SIL1: variants seen among roughly 807,000 people sequenced by gnomAD.
SIL1 encodes nucleotide exchange factor SIL1.
In SIL1, 40 loss-of-function variants were observed where a neutral mutation model predicts 49.1. That is an observed-to-expected ratio of 0.81 (90% confidence interval 0.63 to 1.06). The LOEUF is 1.06. Ranked by LOEUF, SIL1 falls within the 50% of genes least tolerant of loss-of-function variation. The pLI, the probability that SIL1 is intolerant of heterozygous loss-of-function variation, is 0.00. For synonymous variants in SIL1, 253 were observed against 250.8 expected (o/e 1.01, Z -0.08); for missense variants, 500 against 572.6 (o/e 0.87, Z 1.29).
intron 7 of SIL1, among the ~76,000 whole-genome samples, chr5:138,954,326 CCA>C (rs1403737644): frequency 2.0e-5 from 3 of 152,278 alleles, no homozygotes; most frequent in African/African-American, 7.2e-5. Context: ...TACGGCAGGA[CCA>C]TGGGCCAAAC....
intron 1 of SIL1, among the ~76,000 whole-genome samples, chr5:139,150,845 T>C (rs1751282373): frequency 6.6e-6 from 1 of 152,142 alleles, no homozygotes; most frequent in Non-Finnish European, 1.5e-5. Flanking sequence ...CCTTCAATTA[T>C]GGGAATTATA....
At chr5:138,954,319 G>A (rs1269211821) in intron 7 of SIL1, among the ~76,000 whole-genome samples, 8 of 152,256 alleles carry the variant, frequency 5.3e-5, no homozygotes, top group Non-Finnish European at 1.2e-4. Flanking sequence ...CTGTGGGTAC[G>A]GCAGGACCAT....
chr5:138,958,034 C>A (rs1470145892), intron 7 of SIL1, among the ~76,000 whole-genome samples: 2 of 151,914 alleles, frequency 1.3e-5, no homozygotes, highest in African/African-American at 4.8e-5. Context: ...GTTGGGATTA[C>A]CGGCATGAGC....
chr5:138,967,959 G>C (rs937448792), intron 7 of SIL1, among the ~76,000 whole-genome samples: 5 of 152,166 alleles, frequency 3.3e-5, no homozygotes, highest in African/African-American at 1.2e-4. Flanking sequence ...CAGGGCAAGA[G>C]CAAGACGACT....
chr5:139,048,652 G>T (rs1769222915), intron 4 of SIL1, among the ~76,000 whole-genome samples: 1 of 152,138 alleles, frequency 6.6e-6, no homozygotes, highest in Admixed American at 6.5e-5. Context: ...TTACAGGTGT[G>T]AACCACTGTA....
intron 1 of SIL1, among the ~76,000 whole-genome samples, chr5:139,181,795 T>C (rs1316296551): frequency 1.3e-5 from 2 of 152,048 alleles, no homozygotes; most frequent in African/African-American, 4.8e-5. Context: ...TTGATGACAA[T>C]CAAGGTAGAA....
chr5:139,116,335 T>G (rs1327057324), intron 3 of SIL1, among the ~76,000 whole-genome samples: 2 of 152,224 alleles, frequency 1.3e-5, no homozygotes, highest in Non-Finnish European at 2.9e-5. Flanking sequence ...CCCCCTCACA[T>G]GAACGTGTTC....
At chr5:138,958,006 G>A (rs376776857) in intron 7 of SIL1, among the ~76,000 whole-genome samples, 18 of 149,122 alleles carry the variant, frequency 1.2e-4, no homozygotes, top group African/African-American at 3.5e-4. Context: ...CAATCCTCCC[G>A]CCCTGGCCTC....
chr5:138,972,142 G>A (rs1364462311), intron 7 of SIL1, among the ~76,000 whole-genome samples: 3 of 152,114 alleles, frequency 2.0e-5, no homozygotes, highest in Non-Finnish European at 2.9e-5. Context: ...GATCCAGCAG[G>A]AGAATCATGA....
At chr5:138,973,778 G>A (rs1049048894) in intron 7 of SIL1, among the ~76,000 whole-genome samples, 5 of 152,028 alleles carry the variant, frequency 3.3e-5, no homozygotes, top group African/African-American at 9.7e-5. Flanking sequence ...TAGAGACTAA[G>A]TCCCACTATG....
At chr5:139,112,773 C>T (rs1262614117) in intron 3 of SIL1, among the ~76,000 whole-genome samples, 1 of 152,074 alleles carries the variant, frequency 6.6e-6, no homozygotes, top group Non-Finnish European at 1.5e-5. Flanking sequence ...CCCCTCTGCC[C>T]GGCCACCACC....
Position 139,182,124 on chromosome 5 carries a change from G to A in SIL1, c.-11+16145C>T, listed in dbSNP as rs562606377. ...AGCCTCTTGGGACATGTGTGGCCAG[G>A]GCAGTAGTAGCCCGGGGGGCTTTCT... On this transcript the variant is annotated intron_variant, in intron 1 of 9. Transcript: ENST00000394817. Among the ~76,000 whole-genome samples the A allele has an allele frequency of 1.0e-3, 156 of 152,288 alleles. No homozygotes were observed. In the South Asian group the frequency reaches 0.011, roughly 11 times the overall value.
intron 3 of SIL1, among the ~76,000 whole-genome samples, chr5:139,098,983 A>G (rs974026481): frequency 6.6e-6 from 1 of 151,702 alleles, no homozygotes; most frequent in South Asian, 2.1e-4. Flanking sequence ...GGCCTGGCTA[A>G]TTTTTGTATT....
At chr5:139,155,885 T>G in intron 1 of SIL1, among the ~76,000 whole-genome samples, 1 of 151,590 alleles carries the variant, frequency 6.6e-6, no homozygotes, top group Admixed American at 6.6e-5. Flanking sequence ...CAGGCTGGAG[T>G]GCAGTGGCGT....
chr5:139,051,020 C>CGTG lies in SIL1; in HGVS notation c.268_270dup (p.His90dup), dbSNP rs1468495189. Reference sequence around the variant, plus strand: ...TCCCCAGTCTGAAGATTCAGCCGTACGTGGGATCCTGCAGGGACAGCCTGC... The same window carrying CGTG: ...TCCCCAGTCTGAAGATTCAGCCGTACGTGGTGGGATCCTGCAGGGACAGCCTGC... On this transcript the variant is annotated inframe_insertion, in exon 4 of 10. Coordinates refer to ENST00000394817, the MANE Select transcript of SIL1 (RefSeq NM_022464.5). The CGTG allele has an allele frequency of 4.3e-6, 7 of 1,614,040 alleles. No individual in the cohort carries two copies. Among genetic ancestry groups the CGTG allele is most frequent in the African/African-American group, 1.3e-5 (1 of 74,922 alleles).
intron 3 of SIL1, among the ~76,000 whole-genome samples, chr5:139,063,238 C>A (rs1231350916): frequency 6.6e-6 from 1 of 152,174 alleles, no homozygotes; most frequent in Non-Finnish European, 1.5e-5. Context: ...CCCTGCCAGC[C>A]CTCCTACTGA....
At chr5:139,109,264 C>G (rs149565093) in intron 3 of SIL1, among the ~76,000 whole-genome samples, 2 of 152,306 alleles carry the variant, frequency 1.3e-5, no homozygotes, top group African/African-American at 4.8e-5. Context: ...CCTCCAGCCT[C>G]TACATCTACA....
chr5:139,095,243 A>AT (rs1414663337), intron 3 of SIL1, among the ~76,000 whole-genome samples: 1 of 150,484 alleles, frequency 6.6e-6, no homozygotes, highest in African/African-American at 2.4e-5. Flanking sequence ...GGGAGTATCT[A>AT]TATATATATA....
chr5:139,035,481 C>A, intron 5 of SIL1: 1 of 538,100 alleles, frequency 1.9e-6, no homozygotes. Flanking sequence ...AATCCTCAGA[C>A]CCCTCCAGTC....
Sources: allele counts gnomAD v4.1 joint callset (sites outside exome capture counted in the v4.1 genomes callset), GRCh38; gene constraint gnomAD v4.1.1; transcripts MANE v1.5; gene names NCBI Gene and HGNC (gene_info 2026-07-23, HGNC 2026-07-21).